Variants in LMOD3 observed in about 807,000 individuals in gnomAD.
The protein encoded by LMOD3 is leiomodin 3.
A neutral mutation model predicts 41.8 loss-of-function variants in LMOD3; 31 were observed. The ratio of observed to expected loss-of-function variants is 0.74; its 90% CI spans 0.56 to 1.00. LMOD3 has a LOEUF of 1.00. LMOD3 is among the 50% of genes least tolerant of loss of function. The probability of loss-of-function intolerance (pLI) is 0.00; values close to 1 mark genes in which losing one functional copy is unlikely to be tolerated. For missense variants in LMOD3, 755 were observed against 679.5 expected (o/e 1.11, Z -1.23); for synonymous variants, 292 against 241.9 (o/e 1.21, Z -1.92).
chr3:69,120,650 C>CAT (rs1015531721), intron 1 of LMOD3, among the ~76,000 whole-genome samples: 6 of 135,824 alleles, frequency 4.4e-5, no homozygotes, highest in Middle Eastern at 7.8e-3. Context: ...TATATATATA[C>CAT]ATATATATAT....
chr3:69,109,245 G>T, intron 2 of LMOD3, 124 bp from the exon 3 acceptor site: 1 of 810,742 alleles, frequency 1.2e-6, no homozygotes, highest in Non-Finnish European at 2.0e-6. Flanking sequence ...TCTGGCCAAA[G>T]CACCTCCAAA....
At chr3:69,120,739 C>T (rs1363807183) in intron 1 of LMOD3, among the ~76,000 whole-genome samples, 1 of 151,878 alleles carries the variant, frequency 6.6e-6, no homozygotes, top group Admixed American at 6.6e-5. Context: ...AGTTTACTAT[C>T]CCAGTTTCTT....
chr3:69,119,242 C>A lies in LMOD3; in HGVS notation c.1113G>T (p.Leu371=). 1 of 1,613,870 alleles carries A rather than the reference C, an allele frequency of 6.2e-7. No individual in the cohort carries two copies. Among genetic ancestry groups the A allele is most frequent in the Non-Finnish European group, 8.5e-7 (1 of 1,179,876 alleles). The stretch of plus-strand genomic sequence containing the variant: ...GAAGCTCAAAATGGTAGCCCATCTT[C>A]AGGAGAGTGTTGTTTGCCTTCAAAA... ...ARLLKANNTL[L]KMGYHFELPG... The change falls in exon 2 of 3, where the codon CTG becomes CTT. Residue 371 remains leucine, a synonymous_variant. Transcript: ENST00000420581.
At chr3:69,110,350 C>T (rs1456892716) in intron 2 of LMOD3, among the ~76,000 whole-genome samples, 1 of 151,866 alleles carries the variant, frequency 6.6e-6, no homozygotes, top group Non-Finnish European at 1.5e-5. Flanking sequence ...CTGCCTCAGA[C>T]TCCCAAGTAG....
In LMOD3 at chr3:69,107,468, T is replaced by G. The variant is rs1432298725; in HGVS notation, c.*1627A>C. The G allele has an allele frequency of 2.0e-5, 2 of 97,652 alleles. No homozygotes were observed. Among genetic ancestry groups the G allele is most frequent in the African/African-American group, 5.0e-5 (1 of 20,048 alleles). 6.0% of individuals were successfully genotyped at this position (97,652 alleles called of 1,614,324 possible). ...GGCACCAAAGGTTTTTTTTTTTTTT[T>G]TTTTTTTTTTTTTTTTTTTTTTTTT... On this transcript the variant is annotated 3_prime_UTR_variant, in exon 3 of 3. Coordinates refer to ENST00000420581, the MANE Select transcript of LMOD3 (RefSeq NM_198271.5).
intron 2 of LMOD3, among the ~76,000 whole-genome samples, chr3:69,110,543 A>G (rs576221663): frequency 6.6e-5 from 10 of 150,388 alleles, no homozygotes; most frequent in African/African-American, 1.7e-4. Context: ...TGATTTTCTT[A>G]AAAGAGTTTT....
In LMOD3 at chr3:69,119,357, C is replaced by T. The variant is rs1249266090; in HGVS notation, c.998G>A (p.Cys333Tyr). Reference sequence around the variant, plus strand: ...AGTTAGCGTCTCATTAAACTGGAGACACCTCATGATGGCCACAATCCCTTT... The same window carrying T: ...AGTTAGCGTCTCATTAAACTGGAGATACCTCATGATGGCCACAATCCCTTT... ...TGKGIVAIMR[C>Y]LQFNETLTEL... is the part of the protein sequence containing the mutation. The change falls in exon 2 of 3, where the codon TGT becomes TAT. Residue 333 changes from cysteine to tyrosine, a missense_variant. Cys to Tyr is a radical substitution (Grantham distance 194, BLOSUM62 -2). Coordinates refer to ENST00000420581, the MANE Select transcript of LMOD3 (RefSeq NM_198271.5). 2 of 1,613,840 alleles carry T rather than the reference C, an allele frequency of 1.2e-6. No individual in the cohort carries two copies. Among genetic ancestry groups the T allele is most frequent in the East Asian group, 2.2e-5 (1 of 44,890 alleles).
chr3:69,109,453 C>G (rs940560116), intron 2 of LMOD3, among the ~76,000 whole-genome samples: 3 of 150,362 alleles, frequency 2.0e-5, no homozygotes, highest in Non-Finnish European at 4.4e-5. Context: ...GTTTTCTCAG[C>G]TGTAAAATGA....
rs778737371 is a variant in LMOD3 at position 69,119,695 on chromosome 3, C to G, written c.660G>C (p.Lys220Asn). The G allele has an allele frequency of 9.9e-6, 16 of 1,613,846 alleles. No homozygotes were observed. In the African/African-American group the frequency reaches 1.7e-4, roughly 17 times the overall value. Residue 220 changes from lysine (K) to asparagine (N), a missense_variant, in exon 2 of 3, where the codon AAG (lysine) becomes AAC (asparagine). Lys to Asn is a moderately conservative substitution (Grantham distance 94). Transcript: ENST00000420581. ...TCAAAAAGCTGGTGTCTAGAGCTAACTTCTTAGGATCTAATTTCGATATTT... is the reference window on the plus strand; with the variant it reads ...TCAAAAAGCTGGTGTCTAGAGCTAAGTTCTTAGGATCTAATTTCGATATTT... Reference protein sequence around the residue: ...EKKISKLDPKKLALDTSFLKV... With the variant: ...EKKISKLDPKNLALDTSFLKV...
rs931019951 is a variant in LMOD3 at position 69,106,849 on chromosome 3, G to A, written c.*2246C>T. The A allele has an allele frequency of 2.7e-5, 4 of 147,524 alleles. No homozygotes were observed. The highest frequency in any genetic ancestry group is 1.0e-4 in the African/African-American group (4 of 39,320). The allele number at this position is 147,524 out of a possible 1,614,324, so 9.1% of individuals were successfully genotyped here. A position where few individuals can be genotyped will look rare whatever the true frequency, so the allele number is the denominator to read the frequency against. On this transcript the variant is annotated 3_prime_UTR_variant, in exon 3 of 3. Coordinates refer to ENST00000420581, the MANE Select transcript of LMOD3 (RefSeq NM_198271.5). Reference sequence around the variant, plus strand: ...TTACAGGCATGAGCTACCATGCCTGGCTAATTTTGTATTTTTTTTTTTTTT... The same window carrying A: ...TTACAGGCATGAGCTACCATGCCTGACTAATTTTGTATTTTTTTTTTTTTT...
chr3:69,118,840 T>C lies in LMOD3; in HGVS notation c.1515A>G (p.Pro505=), dbSNP rs1401672359. The C allele has an allele frequency of 6.2e-7, 1 of 1,607,530 alleles. No homozygotes were observed. Among genetic ancestry groups the C allele is most frequent in the Non-Finnish European group, 8.5e-7 (1 of 1,178,022 alleles). Residue 505 remains proline (P), a synonymous_variant, in exon 2 of 3, where the codon CCA becomes CCG. Transcript: ENST00000420581. The stretch of plus-strand genomic sequence containing the variant: ...CATCTTTGAGGTTGGTTTTCTCGGG[T>C]GGTTCTCTGGCTTCCGGCATCCGAG... ...RKSRMPEARE[P]PEKTNLKDVI... is the part of the protein sequence containing the mutation.
chr3:69,108,933 G>A lies in LMOD3; in HGVS notation c.*162C>T, dbSNP rs2092335405. ...TCCTCTTCAGCCCCTACTTCTTCATGGCCCAAACATTCTGCCTTTTACAAA... is the reference window on the plus strand; with the variant it reads ...TCCTCTTCAGCCCCTACTTCTTCATAGCCCAAACATTCTGCCTTTTACAAA... On this transcript the variant is annotated 3_prime_UTR_variant, in exon 3 of 3. Coordinates refer to ENST00000420581, the MANE Select transcript of LMOD3 (RefSeq NM_198271.5). 1.7e-6 allele frequency: 1 copy of A among 581,670 alleles called. No homozygotes were observed. The highest frequency in any genetic ancestry group is 1.9e-5 in the African/African-American group (1 of 52,464). The allele number at this position is 581,670 out of a possible 1,614,324, so 36.0% of individuals were successfully genotyped here.
chr3:69,114,364 T>C (rs2092362105), intron 2 of LMOD3, among the ~76,000 whole-genome samples: 1 of 152,200 alleles, frequency 6.6e-6, no homozygotes, highest in Non-Finnish European at 1.5e-5. Context: ...CGGAGTAAAC[T>C]TCTTTTAAAC....
At chr3:69,121,438 T>A (rs1355742900) in intron 1 of LMOD3, among the ~76,000 whole-genome samples, 4 of 148,704 alleles carry the variant, frequency 2.7e-5, no homozygotes, top group Non-Finnish European at 6.0e-5. Flanking sequence ...AAGTGGAACA[T>A]AAAAAAAAAA....
intron 2 of LMOD3, among the ~76,000 whole-genome samples, chr3:69,113,477 A>C: frequency 6.6e-6 from 1 of 152,244 alleles, no homozygotes; most frequent in Non-Finnish European, 1.5e-5. Flanking sequence ...CCAGTGATGA[A>C]GATGAATGCT....
chr3:69,122,242 G>T lies in LMOD3; in HGVS notation c.145C>A (p.Pro49Thr), dbSNP rs1575883687. The change falls in exon 1 of 3, where the codon CCC (proline) becomes ACC (threonine). Residue 49 changes from proline (P) to threonine (T), a missense_variant. Pro to Thr is a conservative substitution (Grantham distance 38). Transcript: ENST00000420581. ...MEVMAPDPSL[P>T]VGMIQKDQTD... Reference sequence around the variant, plus strand: ...TGATCTTTCTGAATCATTCCCACGGGAAGGCTGGGGTCAGGGGCCATGACT... The same window carrying T: ...TGATCTTTCTGAATCATTCCCACGGTAAGGCTGGGGTCAGGGGCCATGACT... 1 of 1,613,642 alleles carries T rather than the reference G, an allele frequency of 6.2e-7. No homozygotes were observed. Among genetic ancestry groups the T allele is most frequent in the Non-Finnish European group, 8.5e-7 (1 of 1,179,800 alleles).
At chr3:69,116,693 A>T (rs561705966) in intron 2 of LMOD3, among the ~76,000 whole-genome samples, 1 of 152,294 alleles carries the variant, frequency 6.6e-6, no homozygotes, top group Non-Finnish European at 1.5e-5. Context: ...CCTACACTGT[A>T]AGCTCTGTGT....
At chr3:69,113,066 T>C (rs2092356702) in intron 2 of LMOD3, among the ~76,000 whole-genome samples, 1 of 152,190 alleles carries the variant, frequency 6.6e-6, no homozygotes, top group Non-Finnish European at 1.5e-5. Flanking sequence ...TGATCTATGT[T>C]TGGCTTTGGC....
intron 2 of LMOD3, among the ~76,000 whole-genome samples, chr3:69,112,536 G>GT (rs1249139272): frequency 5.9e-5 from 9 of 152,144 alleles, no homozygotes; most frequent in Admixed American, 5.2e-4. Context: ...TACCCCTAAC[G>GT]TTTTTTTGTA....
Sources: gnomAD v4.1 joint callset for allele counts (sites outside exome capture counted in the v4.1 genomes callset) on GRCh38, gnomAD v4.1.1 for gene constraint, MANE v1.5 for transcripts, NCBI Gene and HGNC (gene_info 2026-07-23, HGNC 2026-07-21) for gene names.